Variants in CPNE4 observed in about 807,000 individuals in gnomAD.
CPNE4 encodes the protein copine-4.
In CPNE4, 25 loss-of-function variants were observed where a neutral mutation model predicts 67.9. The observed-to-expected ratio is 0.37, with a 90% CI of 0.27 to 0.51. The LOEUF (loss-of-function observed/expected upper bound fraction) is 0.51, where lower values mean the gene tolerates loss of function less well. Among genes scored for constraint, CPNE4 ranks in the 20% least tolerant of loss-of-function variants. The probability of loss-of-function intolerance (pLI) is 0.93; values close to 1 mark genes in which losing one functional copy is unlikely to be tolerated. For missense variants in CPNE4, 464 were observed against 690.8 expected, an observed-to-expected ratio of 0.67 and a Z score of 3.68; for synonymous variants, 242 against 244.9, an observed-to-expected ratio of 0.99 and a Z score of 0.11.
At chr3:131,838,790 C>A (rs2085657528) in intron 2 of CPNE4, among the ~76,000 whole-genome samples, 1 of 151,300 alleles carries the variant, frequency 6.6e-6, no homozygotes, top group African/African-American at 2.4e-5. Context: ...TCAGTAAATT[C>A]TAGTTACTAT....
intron 1 of CPNE4, among the ~76,000 whole-genome samples, chr3:132,019,058 T>C (rs943892658): frequency 2.6e-5 from 4 of 152,076 alleles, no homozygotes; most frequent in African/African-American, 9.7e-5. Context: ...ACATATGGCA[T>C]GGCTGTCACC....
chr3:131,575,005 C>T (rs996701625), intron 10 of CPNE4, 66 bp downstream of exon 10: 6 of 1,377,524 alleles, frequency 4.4e-6, no homozygotes, highest in Non-Finnish European at 6.2e-6. Flanking sequence ...TCCCCCAAAC[C>T]CAGTGCCACC....
At chr3:131,759,537 C>A (rs2082838439) in intron 2 of CPNE4, among the ~76,000 whole-genome samples, 1 of 152,044 alleles carries the variant, frequency 6.6e-6, no homozygotes, top group African/African-American at 2.4e-5. Context: ...CTCAAGCAAA[C>A]AAATGGACAT....
At chr3:131,564,057 T>C (rs1239175287) in intron 11 of CPNE4, among the ~76,000 whole-genome samples, 159 bp downstream of exon 11, 1 of 152,014 alleles carries the variant, frequency 6.6e-6, no homozygotes, top group African/African-American at 2.4e-5. Context: ...GTGAGCAAGG[T>C]ACAAACTTAG....
At chr3:131,945,137 G>A (rs2107868790) in intron 1 of CPNE4, among the ~76,000 whole-genome samples, 1 of 152,180 alleles carries the variant, frequency 6.6e-6, no homozygotes, top group Non-Finnish European at 1.5e-5. Flanking sequence ...GCTCATATGT[G>A]TTAACAGAAA....
At chr3:131,558,698 G>A (rs1032071481) in intron 11 of CPNE4, among the ~76,000 whole-genome samples, 6 of 151,732 alleles carry the variant, frequency 4.0e-5, no homozygotes, top group South Asian at 2.1e-4. Flanking sequence ...ATTAATAAAC[G>A]TAAAGAAAAA....
chr3:132,025,335 C>T (rs186051765), intron 1 of CPNE4, among the ~76,000 whole-genome samples: 84 of 152,210 alleles, frequency 5.5e-4, no homozygotes, highest in African/African-American at 2.0e-3. Context: ...GGGGCCAGTA[C>T]TAAACGTACC....
At chr3:131,721,586 G>T (rs899046355) in intron 3 of CPNE4, among the ~76,000 whole-genome samples, 1 of 151,982 alleles carries the variant, frequency 6.6e-6, no homozygotes. Context: ...TAGTAGAGAC[G>T]GGGTTTCACC....
intron 2 of CPNE4, among the ~76,000 whole-genome samples, chr3:131,890,706 A>C (rs958210313): frequency 6.6e-6 from 1 of 152,208 alleles, no homozygotes; most frequent in Non-Finnish European, 1.5e-5. Context: ...AATGTTTATC[A>C]ACAGATGAAT....
intron 2 of CPNE4, among the ~76,000 whole-genome samples, chr3:131,770,402 G>T (rs534794181): frequency 1.3e-5 from 2 of 152,348 alleles, no homozygotes; most frequent in South Asian, 2.1e-4. Context: ...CTAATTGCGG[G>T]TATAGTGACT....
intron 7 of CPNE4, among the ~76,000 whole-genome samples, chr3:131,640,136 A>G (rs2107793018): frequency 1.3e-5 from 2 of 152,304 alleles, no homozygotes; most frequent in South Asian, 4.1e-4. Context: ...TTTATTCAAC[A>G]AAGTACTGGA....
chr3:131,679,048 G>A (rs2080661664), intron 6 of CPNE4, among the ~76,000 whole-genome samples: 1 of 152,068 alleles, frequency 6.6e-6, no homozygotes, highest in Non-Finnish European at 1.5e-5. Flanking sequence ...CTTTGAATCT[G>A]TCTGGTCCTG....
Position 131,811,898 on chromosome 3 carries a change from G to A in CPNE4, c.181-88273C>T, listed in dbSNP as rs532144529. 3.9e-5 allele frequency among the ~76,000 whole-genome samples: 6 copies of A among 152,190 alleles called. No individual in the cohort carries two copies. In the East Asian group the frequency reaches 9.7e-4, roughly 24 times the overall value. On this transcript the variant is annotated intron_variant, in intron 2 of 15. Transcript: ENST00000429747. ...TTAGGAAACAGTCTCAAAGAGTTAA[G>A]CATCTTGCTCAAGGTCACACAGCTA...
At chr3:131,634,605 A>G (rs1030515796) in intron 7 of CPNE4, among the ~76,000 whole-genome samples, 1 of 152,198 alleles carries the variant, frequency 6.6e-6, no homozygotes, top group African/African-American at 2.4e-5. Context: ...TTGGGTAAAT[A>G]TAATTACTTC....
intron 2 of CPNE4, among the ~76,000 whole-genome samples, chr3:131,850,339 C>T (rs922529085): frequency 3.3e-5 from 5 of 152,016 alleles, no homozygotes; most frequent in Admixed American, 2.0e-4. Flanking sequence ...TGTCTGTCCT[C>T]GGAGTGTATA....
intron 15 of CPNE4, among the ~76,000 whole-genome samples, chr3:131,538,027 G>T (rs1015868408): frequency 2.6e-5 from 4 of 152,148 alleles, no homozygotes; most frequent in Admixed American, 2.6e-4. Context: ...CCCCATATTT[G>T]TTACCATCAA....
At chr3:131,859,618 C>A (rs1356371947) in intron 2 of CPNE4, among the ~76,000 whole-genome samples, 1 of 152,114 alleles carries the variant, frequency 6.6e-6, no homozygotes, top group East Asian at 1.9e-4. Context: ...ACTTATGCAT[C>A]AGCAATTTTT....
rs149849705 is a variant in CPNE4, at chr3:131,572,339, A to G, written c.927+2732T>C. ...GAAAGAGTGGGAGGGAGCAGTTACT[A>G]GAATTCAGTAAGAGGAGTATCTTCA... is the stretch of plus-strand genomic sequence containing the variant. On this transcript the variant is annotated intron_variant, in intron 10 of 15. Transcript: ENST00000429747. Among the ~76,000 whole-genome samples the G allele has an allele frequency of 8.6e-3, 1,313 of 152,204 alleles. 19 individuals carry two copies. The highest frequency in any genetic ancestry group is 0.029 in the African/African-American group (1,197 of 41,562).
At chr3:131,661,732 A>G (rs1385235751) in intron 7 of CPNE4, among the ~76,000 whole-genome samples, 2 of 152,182 alleles carry the variant, frequency 1.3e-5, no homozygotes, top group Admixed American at 1.3e-4. Flanking sequence ...CAGAAAACTC[A>G]AGAGGACCAT....
Sources: allele counts gnomAD v4.1 joint callset (sites outside exome capture counted in the v4.1 genomes callset), GRCh38; gene constraint gnomAD v4.1.1; transcripts MANE v1.5; gene names NCBI Gene and HGNC (gene_info 2026-07-23, HGNC 2026-07-21).